Variants in PARD3 observed in about 807,000 individuals in gnomAD.
PARD3 encodes the protein partitioning defective 3 homolog.
PARD3 carries 75 observed loss-of-function variants against 155.4 expected under a neutral mutation model. The observed-to-expected ratio is 0.48, with a 90% confidence interval of 0.40 to 0.58. The LOEUF (loss-of-function observed/expected upper bound fraction) is 0.58, where lower values mean the gene tolerates loss of function less well. Among genes scored for constraint, PARD3 ranks in the 20% least tolerant of loss-of-function variants. PARD3 has a pLI of 0.00. For missense variants in PARD3, 1,642 were observed against 1,721.7 expected, an observed-to-expected ratio of 0.95 and a Z score of 0.82; for synonymous variants, 576 against 610.5, an observed-to-expected ratio of 0.94 and a Z score of 0.83.
intron 24 of PARD3, 76 bp from the exon 25 acceptor site, chr10:34,111,638 T>C: frequency 8.4e-7 from 1 of 1,190,168 alleles, no homozygotes; most frequent in Non-Finnish European, 1.2e-6. Context: ...CAGGATGGGA[T>C]GGAATATGCA....
chr10:34,804,035 GTTTT>G (rs373473801), intron 1 of PARD3, among the ~76,000 whole-genome samples: 9 of 136,894 alleles, frequency 6.6e-5, no homozygotes, highest in Admixed American at 2.2e-4. Flanking sequence ...ATTTGTTTTT[GTTTT>G]TTTTTTTTTT....
intron 23 of PARD3, among the ~76,000 whole-genome samples, chr10:34,122,666 G>T (rs1179352947): frequency 6.6e-6 from 1 of 152,104 alleles, no homozygotes; most frequent in Non-Finnish European, 1.5e-5. Flanking sequence ...CCTCTAACAG[G>T]TCACATATTT....
intron 1 of PARD3, among the ~76,000 whole-genome samples, chr10:34,726,893 G>A (rs894973808): frequency 5.3e-5 from 8 of 152,156 alleles, no homozygotes; most frequent in African/African-American, 1.7e-4. Context: ...TCTGACCACA[G>A]AGCCCTCTAT....
intron 2 of PARD3, among the ~76,000 whole-genome samples, chr10:34,663,300 C>T (rs1319920812): frequency 6.6e-6 from 1 of 151,964 alleles, no homozygotes; most frequent in Non-Finnish European, 1.5e-5. Flanking sequence ...CCCATCTCTA[C>T]TAAAAATACA....
At chr10:34,511,398 G>A (rs2081390790) in intron 3 of PARD3, among the ~76,000 whole-genome samples, 1 of 152,054 alleles carries the variant, frequency 6.6e-6, no homozygotes. Context: ...CCTGACACTG[G>A]TAATTTATAA....
At chr10:34,144,958 G>A (rs1263498712) in intron 22 of PARD3, among the ~76,000 whole-genome samples, 3 of 151,858 alleles carry the variant, frequency 2.0e-5, no homozygotes, top group Non-Finnish European at 4.4e-5. Flanking sequence ...CACACATTCG[G>A]TGGCTGCCTA....
chr10:34,713,625 G>C (rs1293574872), intron 1 of PARD3, among the ~76,000 whole-genome samples: 2 of 152,184 alleles, frequency 1.3e-5, no homozygotes, highest in East Asian at 1.9e-4. Context: ...AATTAGTCAG[G>C]CGTGGTGTTC....
At position 34,261,789 on chromosome 10, in the gene PARD3, G is replaced by GGAAGAAAGAAAGA. The variant is rs1955011242; in HGVS notation, c.3419+7867_3419+7868insTCTTTCTTTCTTC. On this transcript the variant is annotated intron_variant, in intron 22 of 24. Transcript: ENST00000374788. Reference sequence around the variant, plus strand: ...GGAAGGAAGAAAGAAAGAAAAGAAAGAAAGAAAGAAAGAAAGAAAGAAAGA... The same window carrying GGAAGAAAGAAAGA: ...GGAAGGAAGAAAGAAAGAAAAGAAAGGAAGAAAGAAAGAAAAGAAAGAAAGAAAGAAAGAAAGA... 2.3e-3 allele frequency among the ~76,000 whole-genome samples: 104 copies of GGAAGAAAGAAAGA among 46,156 alleles called. 1 individual carries two copies. Among genetic ancestry groups the GGAAGAAAGAAAGA allele is most frequent in the African/African-American group, 5.1e-3 (102 of 20,092 alleles). The allele number at this position is 46,156 out of a possible 152,430, so 30.3% of individuals were successfully genotyped here.
At chr10:34,691,009 T>G (rs990262432) in intron 2 of PARD3, among the ~76,000 whole-genome samples, 1 of 152,096 alleles carries the variant, frequency 6.6e-6, no homozygotes, top group East Asian at 1.9e-4. Context: ...GCCCACGAGT[T>G]TGAGACAAGC....
rs576252189 is a variant in PARD3 at position 34,320,546 on chromosome 10, T to C, written c.2834-3208A>G. 2.6e-5 allele frequency among the ~76,000 whole-genome samples: 4 copies of C among 152,346 alleles called. No homozygotes were observed. The South Asian group carries it at 8.3e-4, about 32-fold the overall frequency. The stretch of plus-strand genomic sequence containing the variant: ...TTGGCAGAAGTTCAAGGGGCATATG[T>C]CGGCTCTTGGCTTGGGAACAGAATA... On this transcript the variant is annotated intron_variant, in intron 19 of 24. Transcript: ENST00000374788.
chr10:34,219,094 A>C (rs2133456466), intron 22 of PARD3, among the ~76,000 whole-genome samples: 1 of 152,338 alleles, frequency 6.6e-6, no homozygotes, highest in South Asian at 2.1e-4. Flanking sequence ...AGGAATTATT[A>C]GTTCACTTTT....
At chr10:34,139,816 TA>T (rs1442855243) in intron 22 of PARD3, among the ~76,000 whole-genome samples, 1 of 152,162 alleles carries the variant, frequency 6.6e-6, no homozygotes, top group Non-Finnish European at 1.5e-5. Flanking sequence ...CTGGGATGAC[TA>T]AAGCATTGGG....
intron 2 of PARD3, among the ~76,000 whole-genome samples, chr10:34,625,960 T>C (rs549979041): frequency 1.3e-5 from 2 of 152,288 alleles, no homozygotes; most frequent in South Asian, 4.1e-4. Flanking sequence ...CATCTTAATG[T>C]GGGGACAGGT....
intron 5 of PARD3, among the ~76,000 whole-genome samples, chr10:34,443,935 T>C (rs1427297536): frequency 1.3e-5 from 2 of 152,230 alleles, no homozygotes. Flanking sequence ...GATTCTTTTG[T>C]AGCTGCCAAA....
intron 2 of PARD3, among the ~76,000 whole-genome samples, chr10:34,570,694 A>G (rs771171010): frequency 6.6e-6 from 1 of 152,230 alleles, no homozygotes; most frequent in Non-Finnish European, 1.5e-5. Flanking sequence ...ACCGAAAAAT[A>G]AAATTTTAGA....
At chr10:34,534,265 C>CA (rs370705596) in intron 2 of PARD3, among the ~76,000 whole-genome samples, 2,854 of 120,676 alleles carry the variant, frequency 0.024, 29 homozygotes, top group African/African-American at 0.035. Flanking sequence ...GACTCCATCT[C>CA]AAAAAAAAAA....
intron 22 of PARD3, among the ~76,000 whole-genome samples, chr10:34,201,468 T>C (rs1239983416): frequency 1.3e-5 from 2 of 152,128 alleles, no homozygotes; most frequent in East Asian, 1.9e-4. Context: ...CAAAGAGAAC[T>C]ATAATTAGAA....
At position 34,447,531 on chromosome 10, in the gene PARD3, T is replaced by C. The variant is rs563000622; in HGVS notation, c.714+2786A>G. Among the ~76,000 whole-genome samples, 182 of 124,586 alleles carry C rather than the reference T, an allele frequency of 1.5e-3. 1 individual carries two copies. Among genetic ancestry groups the C allele is most frequent in the African/African-American group, 4.9e-3 (171 of 34,754 alleles). The allele number at this position is 124,586 out of a possible 152,430, so 81.7% of individuals were successfully genotyped here. On this transcript the variant is annotated intron_variant, in intron 5 of 24. Coordinates refer to ENST00000374788, the MANE Select transcript of PARD3 (RefSeq NM_001184785.2). ...AAAAAAAAAAAAAAGGGCCAGTTGCTGTGGCTCACACCTGCAATCCCAGCA... is the reference window on the plus strand; with the variant it reads ...AAAAAAAAAAAAAAGGGCCAGTTGCCGTGGCTCACACCTGCAATCCCAGCA...
intron 20 of PARD3, among the ~76,000 whole-genome samples, chr10:34,301,429 C>T (rs561007249): frequency 6.6e-6 from 1 of 152,300 alleles, no homozygotes; most frequent in Non-Finnish European, 1.5e-5. Flanking sequence ...GCAGTGGCCT[C>T]TTCTCAGTTA....
Sources: gnomAD v4.1 joint callset for allele counts (sites outside exome capture counted in the v4.1 genomes callset) on GRCh38, gnomAD v4.1.1 for gene constraint, MANE v1.5 for transcripts, NCBI Gene and HGNC (gene_info 2026-07-23, HGNC 2026-07-21) for gene names.